The following CCDC148 variants were observed in gnomAD, a reference collection of about 807,000 sequenced individuals.
The protein encoded by CCDC148 is coiled-coil domain containing 148.
In CCDC148, 89 loss-of-function variants were observed where a neutral mutation model predicts 85.7. That is an observed-to-expected ratio of 1.04 (90% CI 0.87 to 1.24). CCDC148 has a LOEUF of 1.24. Among genes scored for constraint, CCDC148 ranks in the 50% most tolerant of loss-of-function variants. The probability of loss-of-function intolerance (pLI) is 0.00; values close to 1 mark genes in which losing one functional copy is unlikely to be tolerated. For synonymous variants in CCDC148, 230 were observed against 213.9 expected, an observed-to-expected ratio of 1.08 and a Z score of -0.66; for missense variants, 692 against 671.7, an observed-to-expected ratio of 1.03 and a Z score of -0.33.
intron 9 of CCDC148, among the ~76,000 whole-genome samples, chr2:158,298,063 T>C (rs541426461): frequency 1.3e-5 from 2 of 152,308 alleles, no homozygotes; most frequent in South Asian, 4.1e-4. Context: ...CATGTCCTTC[T>C]TCACATGGTA....
At chr2:158,350,388 T>TATATA (rs1234485012) in intron 2 of CCDC148, among the ~76,000 whole-genome samples, 1 of 152,176 alleles carries the variant, frequency 6.6e-6, no homozygotes, top group Non-Finnish European at 1.5e-5. Context: ...TATAAGTGTG[T>TATATA]ATATATACAT....
At chr2:158,350,702 G>A (rs562286930) in intron 2 of CCDC148, among the ~76,000 whole-genome samples, 1 of 151,882 alleles carries the variant, frequency 6.6e-6, no homozygotes, top group East Asian at 1.9e-4. Context: ...TTTTCTCTTT[G>A]GAGTACTTGT....
rs1171162729 is a variant in CCDC148 at position 158,340,392 on chromosome 2, C to G, written c.336G>C (p.Glu112Asp). 8 of 1,612,250 alleles carry G rather than the reference C, an allele frequency of 5.0e-6. No individual in the cohort carries two copies. Among genetic ancestry groups the G allele is most frequent in the African/African-American group, 2.7e-5 (2 of 74,816 alleles). The change falls in exon 5 of 14, where the codon GAG becomes GAC. Residue 112 changes from glutamate to aspartate, a missense_variant and splice_region_variant. Glu to Asp is a conservative substitution (Grantham distance 45, BLOSUM62 2). Transcript: ENST00000283233. ...TGCACTGTTGTTCTGATAGCTCTTG[C>G]TCTATGGTGAAACAAAATTGAATTA... is the stretch of plus-strand genomic sequence containing the variant. ...NECLCDLTNF[E>D]QELSEQQCTY... is the part of the protein sequence containing the mutation.
intron 1 of CCDC148, among the ~76,000 whole-genome samples, chr2:158,455,813 TG>T (rs1688656795): frequency 6.6e-6 from 1 of 152,238 alleles, no homozygotes; most frequent in Non-Finnish European, 1.5e-5. Flanking sequence ...CAATTAGTAT[TG>T]ATAAACCACC....
intron 7 of CCDC148, among the ~76,000 whole-genome samples, chr2:158,320,364 A>G (rs963403666): frequency 2.0e-5 from 3 of 152,226 alleles, no homozygotes; most frequent in Admixed American, 1.3e-4. Flanking sequence ...GCAAATAAAC[A>G]TAAACCTGGG....
At chr2:158,394,629 GGA>G (rs1208074296) in intron 1 of CCDC148, among the ~76,000 whole-genome samples, 4 of 151,838 alleles carry the variant, frequency 2.6e-5, no homozygotes, top group Non-Finnish European at 4.4e-5. Flanking sequence ...AAAAAACTGT[GGA>G]GAAACCCCAC....
intron 11 of CCDC148, among the ~76,000 whole-genome samples, chr2:158,189,448 T>C (rs1685314987): frequency 6.6e-6 from 1 of 151,886 alleles, no homozygotes; most frequent in Admixed American, 6.6e-5. Flanking sequence ...AAACTGATGG[T>C]CCATGGAATG....
chr2:158,321,853 T>C (rs1158747898), intron 7 of CCDC148, among the ~76,000 whole-genome samples: 1 of 152,162 alleles, frequency 6.6e-6, no homozygotes. Flanking sequence ...GTCAGGTTTA[T>C]TATGAAAACT....
chr2:158,312,350 G>A (rs767371273), intron 8 of CCDC148, among the ~76,000 whole-genome samples: 9 of 151,456 alleles, frequency 5.9e-5, no homozygotes, highest in African/African-American at 2.2e-4. Context: ...TTGGGAGGCC[G>A]AGGTGAGCGG....
rs556115539 is a variant in CCDC148 at position 158,279,929 on chromosome 2, C to T, written c.1111-29017G>A. ...CCCATCAGACTAACAGCGGATCTCTCGGCAGAAACTCTACAAGCCAGAAGA... is the reference window on the plus strand; with the variant it reads ...CCCATCAGACTAACAGCGGATCTCTTGGCAGAAACTCTACAAGCCAGAAGA... On this transcript the variant is annotated intron_variant, in intron 9 of 13. Transcript: ENST00000283233. Among the ~76,000 whole-genome samples, 639 of 151,506 alleles carry T rather than the reference C, an allele frequency of 4.2e-3. 8 individuals carry two copies. Among genetic ancestry groups the T allele is most frequent in the South Asian group, 0.028 (133 of 4,694 alleles).
At chr2:158,228,508 C>T (rs1236567057) in intron 10 of CCDC148, among the ~76,000 whole-genome samples, 3 of 152,096 alleles carry the variant, frequency 2.0e-5, no homozygotes, top group East Asian at 1.9e-4. Flanking sequence ...CACATGCATA[C>T]GTATGTTTAT....
At chr2:158,238,495 T>A (rs150455221) in intron 10 of CCDC148, among the ~76,000 whole-genome samples, 1 of 152,252 alleles carries the variant, frequency 6.6e-6, no homozygotes, top group African/African-American at 2.4e-5. Flanking sequence ...AACAAAAGAA[T>A]GGCACTGAGG....
chr2:158,341,476 T>C (rs1051760398), intron 3 of CCDC148, among the ~76,000 whole-genome samples: 5 of 152,048 alleles, frequency 3.3e-5, no homozygotes. Flanking sequence ...CTAGCTAATA[T>C]GTGCGTGTGT....
intron 9 of CCDC148, among the ~76,000 whole-genome samples, chr2:158,251,663 T>C (rs1405014788): frequency 6.6e-6 from 1 of 151,828 alleles, no homozygotes; most frequent in African/African-American, 2.4e-5. Flanking sequence ...CTTAAATCAA[T>C]TATGGTTCTT....
chr2:158,289,227 T>C (rs1690776009), intron 9 of CCDC148, among the ~76,000 whole-genome samples: 2 of 152,182 alleles, frequency 1.3e-5, no homozygotes, highest in South Asian at 2.1e-4. Flanking sequence ...GATAAATCAA[T>C]TACATAAAAA....
At chr2:158,228,278 G>T (rs559654452) in intron 10 of CCDC148, among the ~76,000 whole-genome samples, 2 of 152,320 alleles carry the variant, frequency 1.3e-5, no homozygotes, top group Non-Finnish European at 2.9e-5. Flanking sequence ...ACACCAGTTA[G>T]AATTGCAATC....
At chr2:158,293,183 T>C (rs1690974389) in intron 9 of CCDC148, among the ~76,000 whole-genome samples, 1 of 151,700 alleles carries the variant, frequency 6.6e-6, no homozygotes, top group Non-Finnish European at 1.5e-5. Context: ...ATATAATAAA[T>C]GTAATATGGG....
intron 1 of CCDC148, among the ~76,000 whole-genome samples, chr2:158,406,631 T>TTTTGTTTTTTTTTTTTTTG (rs1686033490): frequency 7.1e-6 from 1 of 140,024 alleles, no homozygotes. Context: ...TTTTTTTTTT[T>TTTTGTTTTTTTTTTTTTTG]TTTTTTTTTG....
chr2:158,291,276 C>T (rs751737229), intron 9 of CCDC148, among the ~76,000 whole-genome samples: 1 of 152,080 alleles, frequency 6.6e-6, no homozygotes, highest in Non-Finnish European at 1.5e-5. Context: ...TAAAACATGT[C>T]CCTCTTCTGA....
Sources: gnomAD v4.1 joint callset for allele counts (sites outside exome capture counted in the v4.1 genomes callset) on GRCh38, gnomAD v4.1.1 for gene constraint, MANE v1.5 for transcripts, NCBI Gene and HGNC (gene_info 2026-07-23, HGNC 2026-07-21) for gene names.